Variants in EXOC6B observed in about 807,000 individuals in gnomAD.
The protein encoded by EXOC6B is SEC15 homolog B.
EXOC6B carries 54 observed loss-of-function variants against 113.5 expected under a neutral mutation model. The observed-to-expected ratio is 0.48, with a 90% CI of 0.38 to 0.60. The LOEUF (loss-of-function observed/expected upper bound fraction) is 0.60, where lower values mean the gene tolerates loss of function less well. Ranked by LOEUF, EXOC6B falls within the 20% of genes least tolerant of loss-of-function variation. The probability of loss-of-function intolerance (pLI) is 0.00; values close to 1 mark genes in which losing one functional copy is unlikely to be tolerated. For missense variants in EXOC6B, 797 were observed against 977.5 expected (o/e 0.82, Z 2.46); for synonymous variants, 357 against 339.0 (o/e 1.05, Z -0.58).
chr2:72,588,540 G>A (rs1336147571), intron 6 of EXOC6B, among the ~76,000 whole-genome samples: 2 of 151,920 alleles, frequency 1.3e-5, no homozygotes, highest in Admixed American at 6.6e-5. Flanking sequence ...AATATGGGGC[G>A]TTAATGTTCA....
intron 19 of EXOC6B, among the ~76,000 whole-genome samples, chr2:72,356,441 A>C (rs1438714299): frequency 6.6e-6 from 1 of 152,132 alleles, no homozygotes; most frequent in Non-Finnish European, 1.5e-5. Flanking sequence ...CTAAGGCAGG[A>C]GGATTGCTTA....
At chr2:72,241,710 T>C (rs1276079246) in intron 20 of EXOC6B, among the ~76,000 whole-genome samples, 3 of 152,062 alleles carry the variant, frequency 2.0e-5, no homozygotes, top group Admixed American at 6.5e-5. Context: ...GATAGAAATA[T>C]TTAAAATGTT....
chr2:72,716,259 T>C (rs766878220), intron 6 of EXOC6B, among the ~76,000 whole-genome samples: 1 of 152,186 alleles, frequency 6.6e-6, no homozygotes, highest in Admixed American at 6.5e-5. Flanking sequence ...TTCTAAGTAC[T>C]TAAATCACCA....
Position 72,439,514 on chromosome 2 carries a change from T to C in EXOC6B, c.1980+25646A>G, listed in dbSNP as rs184136062. On this transcript the variant is annotated intron_variant, in intron 18 of 21. Coordinates refer to ENST00000272427, the MANE Select transcript of EXOC6B (RefSeq NM_015189.3). ...TTAATCTGCCTGATCTATTCTGTTA[T>C]TAATACTTGTGACTGCATTATGAAA... Among the ~76,000 whole-genome samples, 154 of 152,344 alleles carry C rather than the reference T, an allele frequency of 1.0e-3. 1 individual carries two copies. In the Middle Eastern group the frequency reaches 0.02, roughly 20 times the overall value.
intron 1 of EXOC6B, among the ~76,000 whole-genome samples, chr2:72,806,259 T>G (rs1685568519): frequency 6.6e-6 from 1 of 152,214 alleles, no homozygotes; most frequent in Non-Finnish European, 1.5e-5. Context: ...AGCTTCCACT[T>G]ATAAGTGAGA....
chr2:72,217,509 G>T (rs1055478077), intron 20 of EXOC6B, among the ~76,000 whole-genome samples: 8 of 152,304 alleles, frequency 5.3e-5, no homozygotes, highest in Admixed American at 2.0e-4. Flanking sequence ...GACTTTTTAT[G>T]TGCCAAGTGC....
rs375774696 is a variant in EXOC6B at position 72,503,027 on chromosome 2, T to G, written c.1168-3055A>C. 5.7e-4 allele frequency among the ~76,000 whole-genome samples: 87 copies of G among 152,324 alleles called. No homozygotes were observed. The South Asian group carries it at 8.1e-3, about 14-fold the overall frequency. On this transcript the variant is annotated intron_variant, in intron 11 of 21. Transcript: ENST00000272427. ...ACTTCTAAGAAGCCAATTTTTACTT[T>G]GGATTCATACCATCCTTTGGCTTGC...
chr2:72,746,635 T>C (rs1391363295), intron 1 of EXOC6B, among the ~76,000 whole-genome samples: 1 of 152,108 alleles, frequency 6.6e-6, no homozygotes, highest in Admixed American at 6.6e-5. Context: ...GCTTAGAGCC[T>C]ATATTAATTC....
chr2:72,647,260 G>A (rs1558878439), intron 6 of EXOC6B, among the ~76,000 whole-genome samples: 1 of 152,216 alleles, frequency 6.6e-6, no homozygotes, highest in East Asian at 1.9e-4. Flanking sequence ...ACAAACCACT[G>A]CTCAACGAGA....
chr2:72,256,447 T>C (rs1389691505), intron 20 of EXOC6B, among the ~76,000 whole-genome samples: 1 of 152,194 alleles, frequency 6.6e-6, no homozygotes, highest in Non-Finnish European at 1.5e-5. Flanking sequence ...ATCTTTGCAA[T>C]TGCTGCTTCA....
At chr2:72,214,774 T>G (rs1482955516) in intron 20 of EXOC6B, among the ~76,000 whole-genome samples, 2 of 152,194 alleles carry the variant, frequency 1.3e-5, no homozygotes, top group African/African-American at 4.8e-5. Flanking sequence ...TAATTTGATT[T>G]TATGAACAGA....
chr2:72,490,704 G>C (rs1699694776), intron 16 of EXOC6B, among the ~76,000 whole-genome samples: 1 of 152,116 alleles, frequency 6.6e-6, no homozygotes, highest in Admixed American at 6.6e-5. Context: ...TCAATGAAAT[G>C]GTGCCAAAAT....
intron 8 of EXOC6B, among the ~76,000 whole-genome samples, chr2:72,530,361 C>T (rs1009529708): frequency 2.0e-5 from 3 of 152,252 alleles, no homozygotes; most frequent in Non-Finnish European, 4.4e-5. Flanking sequence ...TCCTCTTAGA[C>T]CCAGGCATTA....
At chr2:72,385,364 G>A (rs560237030) in intron 18 of EXOC6B, among the ~76,000 whole-genome samples, 156 of 150,040 alleles carry the variant, frequency 1.0e-3, no homozygotes, top group Admixed American at 2.1e-3. Flanking sequence ...ATTCAAAATA[G>A]ATTAAAGACT....
chr2:72,383,336 G>A (rs943238844), intron 18 of EXOC6B, among the ~76,000 whole-genome samples: 1 of 151,960 alleles, frequency 6.6e-6, no homozygotes, highest in Non-Finnish European at 1.5e-5. Flanking sequence ...GTAGGCAAAG[G>A]ACATAAACAG....
At chr2:72,485,917 C>T (rs1699398350) in intron 16 of EXOC6B, among the ~76,000 whole-genome samples, 2 of 152,118 alleles carry the variant, frequency 1.3e-5, no homozygotes, top group Non-Finnish European at 2.9e-5. Flanking sequence ...ATGGTTTCAC[C>T]AGAAGGAACT....
intron 20 of EXOC6B, among the ~76,000 whole-genome samples, chr2:72,197,191 G>A (rs746693276): frequency 7.2e-5 from 11 of 152,102 alleles, no homozygotes; most frequent in Non-Finnish European, 1.6e-4. Flanking sequence ...ATTTGATCCC[G>A]AGGAAAATCA....
chr2:72,655,807 A>G (rs144666817), intron 6 of EXOC6B, among the ~76,000 whole-genome samples: 57 of 152,232 alleles, frequency 3.7e-4, no homozygotes, highest in African/African-American at 1.3e-3. Context: ...CTAGTTAACC[A>G]TCCCTGAGAT....
At chr2:72,226,788 C>T (rs1245251216) in intron 20 of EXOC6B, among the ~76,000 whole-genome samples, 5 of 152,174 alleles carry the variant, frequency 3.3e-5, no homozygotes. Context: ...GTAGACCTGG[C>T]ACATCAGTGA....
Sources: allele counts gnomAD v4.1 joint callset (sites outside exome capture counted in the v4.1 genomes callset), GRCh38; gene constraint gnomAD v4.1.1; transcripts MANE v1.5; gene names NCBI Gene and HGNC (gene_info 2026-07-23, HGNC 2026-07-21).